Variants in ARHGEF4 observed in about 807,000 individuals in gnomAD.
The protein encoded by ARHGEF4 is Rho guanine nucleotide exchange factor 4.
Under a neutral mutation model 162.0 loss-of-function variants are expected in ARHGEF4, and 119 were observed. That is an observed-to-expected ratio of 0.73 (90% confidence interval 0.63 to 0.86). The LOEUF (loss-of-function observed/expected upper bound fraction) is 0.86, where lower values mean the gene tolerates loss of function less well. Among genes scored for constraint, ARHGEF4 ranks in the 40% least tolerant of loss-of-function variants. ARHGEF4 has a pLI of 0.00. For synonymous variants in ARHGEF4, 1,014 were observed against 979.9 expected (o/e 1.03, Z -0.65); for missense variants, 2,488 against 2,456.0 (o/e 1.01, Z -0.28).
chr2:130,910,221 T>C (rs1681091230), intron 1 of ARHGEF4, among the ~76,000 whole-genome samples: 1 of 152,160 alleles, frequency 6.6e-6, no homozygotes, highest in Admixed American at 6.6e-5. Context: ...AAAAAGTGCC[T>C]GAAAGATTCA....
Position 131,046,274 on chromosome 2 carries a change from T to C in ARHGEF4, c.*85T>C. ...TCCCCGAGGCCCACTCGGCCTGGCCTTCCTCTGCCTGCAAGTGAGCAGGGA... is the reference window on the plus strand; with the variant it reads ...TCCCCGAGGCCCACTCGGCCTGGCCCTCCTCTGCCTGCAAGTGAGCAGGGA... On this transcript the variant is annotated 3_prime_UTR_variant, in exon 14 of 14. Coordinates refer to ENST00000409359, the MANE Select transcript of ARHGEF4 (RefSeq NM_001367493.1). 2 of 1,391,700 alleles carry C rather than the reference T, an allele frequency of 1.4e-6. No homozygotes were observed. The highest frequency in any genetic ancestry group is 2.0e-6 in the Non-Finnish European group (2 of 1,021,816). The allele number at this position is 1,391,700 out of a possible 1,614,324, so 86.2% of individuals were successfully genotyped here.
chr2:130,916,056 C>G lies in ARHGEF4; in HGVS notation c.2110C>G (p.Leu704Val), dbSNP rs1681467293. The change falls in exon 2 of 14, where the codon CTT becomes GTT. Residue 704 changes from leucine to valine, a missense_variant. Leu to Val is a conservative substitution (Grantham distance 32). This residue lies in a region of ARHGEF4 where 1,642 missense variants were observed against 1,481.5 expected (regional missense o/e 1.11). Coordinates refer to ENST00000409359, the MANE Select transcript of ARHGEF4 (RefSeq NM_001367493.1). ...APIQGAGDGA[L>V]QRVAQAAELG... ...CATACAGGGAGCTGGCGATGGGGCT[C>G]TTCAGCGGGTGGCCCAGGCCGCAGA... 6.5e-7 allele frequency: 1 copy of G among 1,550,332 alleles called. No individual in the cohort carries two copies. The highest frequency in any genetic ancestry group is 1.4e-5 in the African/African-American group (1 of 73,170).
chr2:131,009,474 ACT>A (rs1369367830), intron 4 of ARHGEF4, among the ~76,000 whole-genome samples: 2 of 151,328 alleles, frequency 1.3e-5, no homozygotes, highest in Non-Finnish European at 2.9e-5. Context: ...TGCTTCATTC[ACT>A]CTCTCCTCAT....
intron 3 of ARHGEF4, among the ~76,000 whole-genome samples, chr2:130,937,630 C>T (rs1439501055): frequency 6.6e-6 from 1 of 151,614 alleles, no homozygotes; most frequent in East Asian, 1.9e-4. Context: ...TCTTTTCTTT[C>T]CCTGAGTGGG....
chr2:130,880,561 G>T (rs1679124763), intron 1 of ARHGEF4, among the ~76,000 whole-genome samples: 3 of 152,124 alleles, frequency 2.0e-5, no homozygotes. Flanking sequence ...TTGAAAAAGG[G>T]CTTCGGTCCG....
At chr2:130,870,383 A>G (rs1678383119) in intron 1 of ARHGEF4, among the ~76,000 whole-genome samples, 1 of 152,174 alleles carries the variant, frequency 6.6e-6, no homozygotes. Flanking sequence ...CATGAAGTGT[A>G]CAGGGGCAGG....
intron 4 of ARHGEF4, among the ~76,000 whole-genome samples, chr2:130,951,124 G>A (rs560675495): frequency 5.1e-4 from 78 of 152,284 alleles, no homozygotes; most frequent in Middle Eastern, 3.4e-3. Flanking sequence ...GGAGTGTTGT[G>A]GCTGATTTGA....
chr2:130,883,298 C>T (rs1454861374), intron 1 of ARHGEF4, among the ~76,000 whole-genome samples: 1 of 152,046 alleles, frequency 6.6e-6, no homozygotes, highest in African/African-American at 2.4e-5. Flanking sequence ...CTGCTGAGAC[C>T]GAGTGTGCTG....
chr2:130,915,615 C>T lies in ARHGEF4; in HGVS notation c.1669C>T (p.Gln557Ter). ...SDSSDAPETT[Q>*]KSSAIDTSKA... is the part of the protein sequence containing the mutation. ...CAGTTCAGATGCCCCTGAGACCACC[C>T]AGAAATCAAGCGCAATAGACACTTC... Residue 557 changes from glutamine (Q) to a stop codon, truncating the protein, a stop_gained, in exon 2 of 14, where the codon CAG (glutamine) becomes TAG (stop). Transcript: ENST00000409359. LOFTEE classifies it high-confidence loss of function. 6.4e-7 allele frequency: 1 copy of T among 1,550,540 alleles called. No individual in the cohort carries two copies.
At chr2:130,851,256 A>G (rs2104883850) in intron 1 of ARHGEF4, among the ~76,000 whole-genome samples, 1 of 152,198 alleles carries the variant, frequency 6.6e-6, no homozygotes, top group Admixed American at 6.5e-5. Context: ...CAGGGCAGAG[A>G]GGACACTAAT....
chr2:130,847,322 A>G (rs1681054239), intron 1 of ARHGEF4, among the ~76,000 whole-genome samples: 2 of 152,138 alleles, frequency 1.3e-5, no homozygotes, highest in Non-Finnish European at 1.5e-5. Context: ...CTGGAGTATG[A>G]GTGCCTCAAT....
At chr2:130,990,768 A>T (rs970605986) in intron 4 of ARHGEF4, among the ~76,000 whole-genome samples, 1 of 152,116 alleles carries the variant, frequency 6.6e-6, no homozygotes, top group Admixed American at 6.5e-5. Context: ...TAAAGACCTT[A>T]CTCAAACCTG....
rs1420968357 is a variant in ARHGEF4, at chr2:130,916,949, C to T, written c.3003C>T (p.Ser1001=). Residue 1001 remains serine, a synonymous_variant, in exon 2 of 14, where the codon AGC becomes AGT. Coordinates refer to ENST00000409359, the MANE Select transcript of ARHGEF4 (RefSeq NM_001367493.1). ...RAEDKEGYVF[S]DHWAPPLAST... is the part of the protein sequence containing the mutation. ...AGGACAAAGAGGGCTATGTTTTTAG[C>T]GATCACTGGGCACCCCCACTTGCCT... The T allele has an allele frequency of 3.9e-6, 6 of 1,550,772 alleles. No individual in the cohort carries two copies. Among genetic ancestry groups the T allele is most frequent in the South Asian group, 2.4e-5 (2 of 84,066 alleles).
At chr2:130,989,251 G>A (rs913763766) in intron 4 of ARHGEF4, among the ~76,000 whole-genome samples, 3 of 152,116 alleles carry the variant, frequency 2.0e-5, no homozygotes, top group South Asian at 2.1e-4. Flanking sequence ...GTGAGCCACC[G>A]CACCCAGCCT....
At chr2:130,849,774 A>T (rs896081105) in intron 1 of ARHGEF4, among the ~76,000 whole-genome samples, 5 of 152,102 alleles carry the variant, frequency 3.3e-5, no homozygotes, top group African/African-American at 1.2e-4. Context: ...CACCACGTCC[A>T]GTCTGGTCTC....
At chr2:131,010,765 C>A (rs1295926210) in intron 4 of ARHGEF4, among the ~76,000 whole-genome samples, 1 of 152,170 alleles carries the variant, frequency 6.6e-6, no homozygotes, top group Non-Finnish European at 1.5e-5. Flanking sequence ...GTGGGTGAGG[C>A]AGAGCAAGTG....
Position 130,914,455 on chromosome 2 carries a change from G to A in ARHGEF4, c.509G>A (p.Arg170Gln), listed in dbSNP as rs563705546. Residue 170 changes from arginine to glutamine, a missense_variant, in exon 2 of 14, where the codon CGA (arginine) becomes CAA (glutamine). This residue lies in a region of ARHGEF4 where 81 missense variants were observed against 125.8 expected (regional missense o/e 0.64). Coordinates refer to ENST00000409359, the MANE Select transcript of ARHGEF4 (RefSeq NM_001367493.1). The stretch of plus-strand genomic sequence containing the variant: ...TGGGACTGCGCGACCAGCCTGGAGC[G>A]AGAGTCTTTGCTGGCAGGGGTTCCC... ...HLWDCATSLE[R>Q]ESLLAGVPRH... The A allele has an allele frequency of 4.9e-6, 7 of 1,433,928 alleles. No individual in the cohort carries two copies. Among genetic ancestry groups the A allele is most frequent in the East Asian group, 5.0e-5 (2 of 40,048 alleles). 88.8% of individuals were successfully genotyped at this position (1,433,928 alleles called of 1,614,324 possible). A position where few individuals can be genotyped will look rare whatever the true frequency, so the allele number is the denominator to read the frequency against.
At chr2:130,919,440 G>T (rs1454486467) in intron 2 of ARHGEF4, among the ~76,000 whole-genome samples, 5 of 152,068 alleles carry the variant, frequency 3.3e-5, no homozygotes, top group Non-Finnish European at 7.4e-5. Flanking sequence ...GTTGCTTATT[G>T]CCCTTTTGTG....
At chr2:130,990,194 T>G (rs1377687895) in intron 4 of ARHGEF4, among the ~76,000 whole-genome samples, 1 of 152,244 alleles carries the variant, frequency 6.6e-6, no homozygotes, top group Non-Finnish European at 1.5e-5. Flanking sequence ...AATTTAAGCT[T>G]CTTTCTGCTG....
Sources: gnomAD v4.1 joint callset for allele counts (sites outside exome capture counted in the v4.1 genomes callset) on GRCh38, gnomAD v4.1.1 for gene constraint, gnomAD v4.1.1 regional missense constraint, MANE v1.5 for transcripts, NCBI Gene and HGNC (gene_info 2026-07-23, HGNC 2026-07-21) for gene names.